Variants in MAP1B observed in about 807,000 individuals in gnomAD.
The protein encoded by MAP1B is microtubule-associated protein 1B.
A neutral mutation model predicts 176.1 loss-of-function variants in MAP1B; 12 were observed. The observed-to-expected ratio is 0.07, with a 90% CI of 0.04 to 0.11. MAP1B has a LOEUF of 0.11. MAP1B is among the 10% of genes least tolerant of loss of function. MAP1B has a pLI of 1.00. For synonymous variants in MAP1B, 1,044 were observed against 1,135.0 expected, an observed-to-expected ratio of 0.92 and a Z score of 1.61; for missense variants, 2,523 against 2,990.5, an observed-to-expected ratio of 0.84 and a Z score of 3.65.
At chr5:72,158,229 C>T (rs748902012) in intron 2 of MAP1B, among the ~76,000 whole-genome samples, 26 of 150,488 alleles carry the variant, frequency 1.7e-4, no homozygotes, top group Non-Finnish European at 3.7e-4. Flanking sequence ...AGGGTGGTCT[C>T]GAAATCCTGA....
Position 72,186,526 on chromosome 5 carries a change from C to T in MAP1B, c.370-88C>T. ...GAATGCTTTTTGCTGGTAATAAACT[C>T]CCATGGCTCCGAAGGCTAGCCCTGT... On this transcript the variant is annotated intron_variant, in intron 3 of 6. Transcript: ENST00000296755. This position sits in a 1 kb window ranked among gnomAD's most constrained non-coding sequence, Gnocchi z 4.3. 6.7e-7 allele frequency: 1 copy of T among 1,501,568 alleles called. No individual in the cohort carries two copies. Among genetic ancestry groups the T allele is most frequent in the Non-Finnish European group, 9.0e-7 (1 of 1,107,284 alleles). 93.0% of individuals were successfully genotyped at this position (1,501,568 alleles called of 1,614,324 possible).
intron 2 of MAP1B, among the ~76,000 whole-genome samples, chr5:72,144,211 A>T (rs1440507387): frequency 1.3e-5 from 2 of 152,118 alleles, no homozygotes; most frequent in Non-Finnish European, 2.9e-5. Context: ...TGGATTGGAA[A>T]ATCTAGTCAC....
intron 2 of MAP1B, among the ~76,000 whole-genome samples, chr5:72,171,530 C>A (rs1182939861): frequency 6.6e-6 from 1 of 152,102 alleles, no homozygotes. Context: ...GTCGAGGCTG[C>A]AGGGGGCCAT....
In MAP1B at chr5:72,196,486, A is replaced by C. The variant is rs183294054; in HGVS notation, c.3131A>C (p.Tyr1044Ser). ...CCGGAAAAAATGGAAGCTGAAGACT[A>C]TGTGATGGCTGTGGTCGACAAGGCT... The part of the protein sequence containing the change: ...YEPEKMEAED[Y>S]VMAVVDKAAE... The change falls in exon 5 of 7, where the codon TAT (tyrosine) becomes TCT (serine). Residue 1044 changes from tyrosine (Y) to serine (S), a missense_variant. Tyr to Ser is a moderately radical substitution (Grantham distance 144). Around this residue, in one of 4 missense-constraint regions of MAP1B, gnomAD observed 1,925 missense variants for 2,126.0 expected, o/e 0.91. Coordinates refer to ENST00000296755, the MANE Select transcript of MAP1B (RefSeq NM_005909.5). This position sits in a 1 kb window ranked among gnomAD's most constrained non-coding sequence, Gnocchi z 5.3. The C allele has an allele frequency of 1.2e-6, 2 of 1,613,740 alleles. No individual in the cohort carries two copies. The highest frequency in any genetic ancestry group is 8.5e-7 in the Non-Finnish European group (1 of 1,180,034).
Position 72,199,590 on chromosome 5 carries a change from G to A in MAP1B, c.6235G>A (p.Asp2079Asn). 6.2e-7 allele frequency: 1 copy of A among 1,614,164 alleles called. No homozygotes were observed. The highest frequency in any genetic ancestry group is 8.5e-7 in the Non-Finnish European group (1 of 1,180,040). ...EKKSPSEARQ[D>N]VDLCLVSSCE... The stretch of plus-strand genomic sequence containing the variant: ...GAAGTCCCCCTCAGAAGCCCGTCAG[G>A]ATGTCGATTTATGCCTCGTGTCCTC... The change falls in exon 5 of 7, where the codon GAT becomes AAT. Residue 2079 changes from aspartate to asparagine, a missense_variant. Around this residue, in one of 4 missense-constraint regions of MAP1B, gnomAD observed 1,925 missense variants for 2,126.0 expected, o/e 0.91. Transcript: ENST00000296755. The surrounding 1 kb of genome is among the most constrained non-coding windows in gnomAD (Gnocchi z 4.2).
intron 2 of MAP1B, among the ~76,000 whole-genome samples, chr5:72,163,080 T>C (rs1289909781): frequency 6.6e-6 from 1 of 151,838 alleles, no homozygotes; most frequent in African/African-American, 2.4e-5. Flanking sequence ...ATACAAAAAT[T>C]AGCTGGGCAT....
intron 2 of MAP1B, among the ~76,000 whole-genome samples, chr5:72,130,558 G>A (rs1745712775): frequency 6.6e-6 from 1 of 152,158 alleles, no homozygotes; most frequent in Non-Finnish European, 1.5e-5. Context: ...CTTTGTTGCA[G>A]ATTTCCTTTA....
rs144480515 is a variant in MAP1B at position 72,198,839 on chromosome 5, G to T, written c.5484G>T (p.Glu1828Asp). ...CACCAATAGATGCAGCATCCGCAGA[G>T]CCCTATGGCTTCCGTGCCTCAGTGT... ...SSPPIDAASA[E>D]PYGFRASVLF... Residue 1828 changes from glutamate (E) to aspartate (D), a missense_variant, in exon 5 of 7, where the codon GAG becomes GAT. Coordinates refer to ENST00000296755, the MANE Select transcript of MAP1B (RefSeq NM_005909.5). 5.8e-5 allele frequency: 93 copies of T among 1,614,192 alleles called. No individual in the cohort carries two copies. Among genetic ancestry groups the T allele is most frequent in the Non-Finnish European group, 7.4e-5 (87 of 1,180,032 alleles).
At chr5:72,112,230 C>G (rs1287145292) in intron 1 of MAP1B, among the ~76,000 whole-genome samples, 1 of 152,124 alleles carries the variant, frequency 6.6e-6, no homozygotes, top group Admixed American at 6.5e-5. Flanking sequence ...TGCCAAAGGC[C>G]CAAATAACTG....
Position 72,195,900 on chromosome 5 carries a change from G to C in MAP1B, c.2545G>C (p.Asp849His). ...TGAAGAGTTAAAGGCTGAAGAGGTC[G>C]ATGTAACAAAGGACATCAAGCCTCA... ...DFEELKAEEV[D>H]VTKDIKPQLE... Residue 849 changes from aspartate to histidine, a missense_variant, in exon 5 of 7, where the codon GAT (aspartate) becomes CAT (histidine). Asp to His is a moderately conservative substitution (Grantham distance 81). Coordinates refer to ENST00000296755, the MANE Select transcript of MAP1B (RefSeq NM_005909.5). The C allele has an allele frequency of 6.2e-7, 1 of 1,614,218 alleles. No homozygotes were observed. The highest frequency in any genetic ancestry group is 8.5e-7 in the Non-Finnish European group (1 of 1,180,042).
At chr5:72,120,428 T>TC (rs924301762) in intron 2 of MAP1B, among the ~76,000 whole-genome samples, 4 of 149,054 alleles carry the variant, frequency 2.7e-5, no homozygotes, top group African/African-American at 9.8e-5. Context: ...TTTCTTTCTT[T>TC]TTTTTTTTTT....
At chr5:72,173,717 T>C (rs1297534798) in intron 2 of MAP1B, among the ~76,000 whole-genome samples, 1 of 152,194 alleles carries the variant, frequency 6.6e-6, no homozygotes, top group African/African-American at 2.4e-5. Context: ...ATAATGTACC[T>C]CAGATCTTAT....
At chr5:72,108,634 C>G (rs999502408) in intron 1 of MAP1B, among the ~76,000 whole-genome samples, 1 of 152,112 alleles carries the variant, frequency 6.6e-6, no homozygotes, top group African/African-American at 2.4e-5. Flanking sequence ...GAGACCGCCC[C>G]CAGCCCCACC....
At chr5:72,201,337 C>T (rs1350499068) in intron 5 of MAP1B, among the ~76,000 whole-genome samples, 1 of 151,948 alleles carries the variant, frequency 6.6e-6, no homozygotes, top group Non-Finnish European at 1.5e-5. Flanking sequence ...GTATGTATCA[C>T]TGCATGCCAA....
intron 2 of MAP1B, among the ~76,000 whole-genome samples, chr5:72,157,846 A>G (rs1446651903): frequency 6.6e-6 from 1 of 152,118 alleles, no homozygotes; most frequent in African/African-American, 2.4e-5. Flanking sequence ...CAGTTACTAA[A>G]TGCTAGCCTT....
chr5:72,173,229 C>T (rs537907309), intron 2 of MAP1B, among the ~76,000 whole-genome samples: 1 of 152,264 alleles, frequency 6.6e-6, no homozygotes, highest in African/African-American at 2.4e-5. Flanking sequence ...ATATTGATTG[C>T]GCATCTGCTG....
At chr5:72,180,534 CA>C (rs978597992) in intron 2 of MAP1B, among the ~76,000 whole-genome samples, 2 of 152,014 alleles carry the variant, frequency 1.3e-5, no homozygotes, top group African/African-American at 4.8e-5. Flanking sequence ...TTGTCAAAAC[CA>C]AAAACAACCA....
At chr5:72,151,334 A>G (rs1185138948) in intron 2 of MAP1B, among the ~76,000 whole-genome samples, 4 of 152,186 alleles carry the variant, frequency 2.6e-5, no homozygotes, top group African/African-American at 9.6e-5. Flanking sequence ...CCCTCCCACT[A>G]GGCCTCACCT....
chr5:72,200,312 G>C lies in MAP1B; in HGVS notation c.6957G>C (p.Glu2319Asp). 2.5e-6 allele frequency: 4 copies of C among 1,614,228 alleles called. No homozygotes were observed. Among genetic ancestry groups the C allele is most frequent in the Non-Finnish European group, 3.4e-6 (4 of 1,180,038 alleles). ...CACGTGGGGAAGAGAAAGACAAGGA[G>C]ACCAAGAATGCTGCCAATGCCTCTG... The part of the protein sequence containing the change: ...KAARGEEKDK[E>D]TKNAANASAS... The change falls in exon 5 of 7, where the codon GAG becomes GAC. Residue 2319 changes from glutamate to aspartate, a missense_variant. Coordinates refer to ENST00000296755, the MANE Select transcript of MAP1B (RefSeq NM_005909.5).
Sources: allele counts gnomAD v4.1 joint callset (sites outside exome capture counted in the v4.1 genomes callset), GRCh38; gene constraint gnomAD v4.1.1; regional missense constraint gnomAD v4.1.1; non-coding constraint Gnocchi (gnomAD v3.1); transcripts MANE v1.5; gene names NCBI Gene and HGNC (gene_info 2026-07-23, HGNC 2026-07-21).